Variants in RAB38 observed in about 807,000 individuals in gnomAD.
The protein encoded by RAB38 is ras-related protein Rab-38.
RAB38 carries 15 observed loss-of-function variants against 18.4 expected under a neutral mutation model. The observed-to-expected ratio is 0.82, with a 90% CI of 0.55 to 1.26. RAB38 has a LOEUF of 1.26. Among genes scored for constraint, RAB38 ranks in the 50% most tolerant of loss-of-function variants. RAB38 has a pLI of 0.00. For missense variants in RAB38, 294 were observed against 267.4 expected, an observed-to-expected ratio of 1.10 and a Z score of -0.69; for synonymous variants, 101 against 104.4, an observed-to-expected ratio of 0.97 and a Z score of 0.20.
chr11:88,128,702 C>G (rs1942733953), intron 2 of RAB38, among the ~76,000 whole-genome samples: 1 of 152,168 alleles, frequency 6.6e-6, no homozygotes, highest in African/African-American at 2.4e-5. Context: ...GGCTTCCTAC[C>G]CTCAACCTCA....
At chr11:87,828,691 T>C in the RAB38 span, among the ~76,000 whole-genome samples, 1 of 152,208 alleles carries the variant, frequency 6.6e-6, no homozygotes, top group African/African-American at 2.4e-5. Context: ...TACTTTCTAA[T>C]CTACCTTTTT....
chr11:88,092,409 A>AGGGAGG, the RAB38 span, among the ~76,000 whole-genome samples: 1 of 70,118 alleles, frequency 1.4e-5, no homozygotes, highest in Non-Finnish European at 2.6e-5. Context: ...AGAGAGAGAG[A>AGGGAGG]GAGAGAGAGA....
At chr11:88,127,552 T>A (rs1387776792) in intron 2 of RAB38, among the ~76,000 whole-genome samples, 1 of 152,218 alleles carries the variant, frequency 6.6e-6, no homozygotes, top group Non-Finnish European at 1.5e-5. Context: ...CATTAACCAA[T>A]TTTATATTAC....
the RAB38 span, among the ~76,000 whole-genome samples, chr11:87,965,666 G>A: frequency 6.6e-6 from 1 of 152,170 alleles, no homozygotes; most frequent in Non-Finnish European, 1.5e-5. Flanking sequence ...ATGGTGAAAT[G>A]TGGTTTGGGG....
chr11:88,037,448 A>G, the RAB38 span, among the ~76,000 whole-genome samples: 16 of 152,134 alleles, frequency 1.1e-4, no homozygotes, highest in Non-Finnish European at 2.2e-4. Context: ...TAATTTGAGT[A>G]CAATAAAGTG....
intron 2 of RAB38, among the ~76,000 whole-genome samples, chr11:88,146,810 G>A (rs1441476981): frequency 2.6e-5 from 4 of 152,168 alleles, no homozygotes; most frequent in South Asian, 2.1e-4. Context: ...CGTGCCTTCT[G>A]TATTTTACAA....
At chr11:88,042,677 C>A in the RAB38 span, among the ~76,000 whole-genome samples, 1 of 152,112 alleles carries the variant, frequency 6.6e-6, no homozygotes, top group Non-Finnish European at 1.5e-5. Flanking sequence ...CCCAGTAGGA[C>A]GCAGGCTGCC....
chr11:87,912,416 G>A, the RAB38 span, among the ~76,000 whole-genome samples: 18 of 151,846 alleles, frequency 1.2e-4, no homozygotes, highest in African/African-American at 4.3e-4. Context: ...CTTTTTGCAT[G>A]AGCTTTTTAT....
At chr11:88,099,652 G>A in the RAB38 span, among the ~76,000 whole-genome samples, 7 of 151,794 alleles carry the variant, frequency 4.6e-5, no homozygotes, top group African/African-American at 1.7e-4. Flanking sequence ...TGGGAGTCTA[G>A]TGTGTAGGAG....
chr11:87,895,213 C>A, the RAB38 span, among the ~76,000 whole-genome samples: 1 of 92,450 alleles, frequency 1.1e-5, no homozygotes, highest in African/African-American at 4.4e-5. Flanking sequence ...AAGTTGAATG[C>A]CATTAAACAT....
At chr11:87,920,182 A>G in the RAB38 span, among the ~76,000 whole-genome samples, 1 of 151,808 alleles carries the variant, frequency 6.6e-6, no homozygotes, top group Non-Finnish European at 1.5e-5. Flanking sequence ...TCCTTCTGCT[A>G]ATTTTCAGCT....
In RAB38 at chr11:88,113,860, A is replaced by G. The variant is rs1942508636; in HGVS notation, c.*128T>C. On this transcript the variant is annotated 3_prime_UTR_variant, in exon 3 of 3. Coordinates refer to ENST00000243662, the MANE Select transcript of RAB38 (RefSeq NM_022337.3). ...GCTATTTCTCTCTCACTGAAAAAAC[A>G]GAGGCATAGATCTTTGGCTTGCCAC... 1 of 1,054,622 alleles carries G rather than the reference A, an allele frequency of 9.5e-7. No individual in the cohort carries two copies. 65.3% of individuals were successfully genotyped at this position (1,054,622 alleles called of 1,614,324 possible). A position where few individuals can be genotyped will look rare whatever the true frequency, so the allele number is the denominator to read the frequency against.
chr11:87,854,584 T>C, the RAB38 span, among the ~76,000 whole-genome samples: 1 of 152,152 alleles, frequency 6.6e-6, no homozygotes, highest in Non-Finnish European at 1.5e-5. Flanking sequence ...ATAAATGAAA[T>C]GTTTTCCTCC....
chr11:87,851,353 C>T, the RAB38 span, among the ~76,000 whole-genome samples: 1 of 152,172 alleles, frequency 6.6e-6, no homozygotes, highest in South Asian at 2.1e-4. Flanking sequence ...ATTTCCACAT[C>T]ATAGAAGTCA....
At chr11:88,051,262 C>T in the RAB38 span, among the ~76,000 whole-genome samples, 1 of 151,952 alleles carries the variant, frequency 6.6e-6, no homozygotes, top group Non-Finnish European at 1.5e-5. Context: ...GTACTGGAAA[C>T]TGACAAAGAG....
At chr11:87,861,584 TC>T in the RAB38 span, among the ~76,000 whole-genome samples, 20 of 151,932 alleles carry the variant, frequency 1.3e-4, no homozygotes, top group African/African-American at 4.6e-4. Flanking sequence ...TTGTTGACTT[TC>T]TAGAGGGCCA....
At chr11:87,814,009 G>A in the RAB38 span, among the ~76,000 whole-genome samples, 1 of 152,108 alleles carries the variant, frequency 6.6e-6, no homozygotes, top group Non-Finnish European at 1.5e-5. Context: ...ATGCTTGCAT[G>A]TGTAATCTTA....
the RAB38 span, among the ~76,000 whole-genome samples, chr11:87,947,612 G>C: frequency 6.6e-6 from 1 of 152,074 alleles, no homozygotes; most frequent in East Asian, 1.9e-4. Context: ...CATATGGCTA[G>C]CCAGTTTTCC....
At chr11:87,875,526 T>C in the RAB38 span, among the ~76,000 whole-genome samples, 18 of 151,642 alleles carry the variant, frequency 1.2e-4, no homozygotes, top group African/African-American at 4.3e-4. Context: ...CTACTGGAGT[T>C]TTGATTCAGA....
Sources: gnomAD v4.1 joint callset for allele counts (sites outside exome capture counted in the v4.1 genomes callset) on GRCh38, gnomAD v4.1.1 for gene constraint, MANE v1.5 for transcripts, NCBI Gene and HGNC (gene_info 2026-07-23, HGNC 2026-07-21) for gene names.